The following TECPR2 variants were observed in gnomAD, a reference collection of about 807,000 sequenced individuals.
TECPR2 encodes tectonin beta-propeller repeat containing 2, also known as tectonin beta-propeller repeat-containing protein 2.
Under a neutral mutation model 138.1 loss-of-function variants are expected in TECPR2, and 65 were observed. The ratio of observed to expected loss-of-function variants is 0.47; its 90% CI spans 0.39 to 0.58. The LOEUF (loss-of-function observed/expected upper bound fraction) is 0.58, where lower values mean the gene tolerates loss of function less well. TECPR2 is among the 20% of genes least tolerant of loss of function. TECPR2 has a pLI of 0.00. For missense variants in TECPR2, 1,553 were observed against 1,824.5 expected (o/e 0.85, Z 2.71); for synonymous variants, 746 against 749.8 (o/e 0.99, Z 0.08).
rs1029417844 is a variant in TECPR2 at position 102,395,785 on chromosome 14, G to A, written c.220-11553G>A. Among the ~76,000 whole-genome samples, 5 of 152,130 alleles carry A rather than the reference G, an allele frequency of 3.3e-5. No homozygotes were observed. The South Asian group carries it at 6.2e-4, about 19-fold the overall frequency. ...GGCACTCCGGCCTGGGCGACAGAGC[G>A]AGACTCTGTCTCCAAAAAACTAAAC... On this transcript the variant is annotated intron_variant, in intron 2 of 19. Transcript: ENST00000359520.
In TECPR2 at chr14:102,443,839, C is replaced by T; in HGVS notation, c.2933+12C>T. On this transcript the variant is annotated intron_variant, in intron 12 of 19. Coordinates refer to ENST00000359520, the MANE Select transcript of TECPR2 (RefSeq NM_014844.5). This position sits in a 1 kb window ranked among gnomAD's most constrained non-coding sequence, Gnocchi z 4.9. ...TGTGACATTGTCAGGTACTGGCGGG[C>T]CAGAGACTCCTTTCACATCGTGCTT... 3.2e-6 allele frequency: 5 copies of T among 1,549,270 alleles called. No homozygotes were observed. The Middle Eastern group carries it at 9.1e-4, about 280-fold the overall frequency.
At position 102,501,204 on chromosome 14, in the gene TECPR2, G is replaced by T. The variant is rs1891428507; in HGVS notation, c.*2947G>T. The T allele has an allele frequency of 6.6e-6, 1 of 151,992 alleles. No individual in the cohort carries two copies. Among genetic ancestry groups the T allele is most frequent in the African/African-American group, 2.4e-5 (1 of 41,366 alleles). 9.4% of individuals were successfully genotyped at this position (151,992 alleles called of 1,614,324 possible). A position where few individuals can be genotyped will look rare whatever the true frequency, so the allele number is the denominator to read the frequency against. ...GGAGCGGCGGGGGCGGGGCATGGGG[G>T]GTGTCACAACTAATGTGGCCACTGC... On this transcript the variant is annotated 3_prime_UTR_variant, in exon 20 of 20. Coordinates refer to ENST00000359520, the MANE Select transcript of TECPR2 (RefSeq NM_014844.5).
At chr14:102,444,212 G>A (rs1023286924) in intron 12 of TECPR2, among the ~76,000 whole-genome samples, 2 of 81,326 alleles carry the variant, frequency 2.5e-5, no homozygotes, top group Non-Finnish European at 5.0e-5. Flanking sequence ...TTTTTTTTTT[G>A]ATACAGGTTC....
In TECPR2 at chr14:102,366,198, A is replaced by G. The variant is rs191549187; in HGVS notation, c.-73+3082A>G. 1.8e-3 allele frequency among the ~76,000 whole-genome samples: 267 copies of G among 152,270 alleles called. 2 individuals carry two copies. The highest frequency in any genetic ancestry group is 6.1e-3 in the African/African-American group (253 of 41,534). On this transcript the variant is annotated intron_variant, in intron 1 of 19. Coordinates refer to ENST00000359520, the MANE Select transcript of TECPR2 (RefSeq NM_014844.5). The stretch of plus-strand genomic sequence containing the variant: ...AGTTGGGTGTTAGTAGTCAGCAGTG[A>G]AGGCTAGCTGCCACCTTCCAGGGTT...
intron 8 of TECPR2, among the ~76,000 whole-genome samples, chr14:102,432,772 G>A (rs1017960919): frequency 2.0e-4 from 30 of 151,902 alleles, no homozygotes; most frequent in African/African-American, 6.8e-4. Context: ...TTGGGAGGCC[G>A]AGGCAGGCGG....
chr14:102,379,530 G>A (rs150571175), intron 2 of TECPR2, among the ~76,000 whole-genome samples: 5,557 of 65,778 alleles, frequency 0.084, 43 homozygotes, highest in Middle Eastern at 0.13. Context: ...GAGGCGTCCT[G>A]GTCACACTGC....
chr14:102,403,381 A>T (rs932565001), intron 2 of TECPR2, among the ~76,000 whole-genome samples: 7 of 152,234 alleles, frequency 4.6e-5, no homozygotes, highest in Non-Finnish European at 8.8e-5. Flanking sequence ...AACTACCCCA[A>T]CATAATAAAA....
intron 9 of TECPR2, 97 bp from the exon 10 acceptor site, chr14:102,437,925 C>G (rs1407442261): frequency 1.9e-5 from 26 of 1,393,702 alleles, no homozygotes; most frequent in Admixed American, 6.4e-5. Flanking sequence ...TTTACCGTCT[C>G]GTGTTAATGA....
At chr14:102,436,267 C>T (rs545370950) in intron 9 of TECPR2, among the ~76,000 whole-genome samples, 253 of 151,766 alleles carry the variant, frequency 1.7e-3, no homozygotes, top group Non-Finnish European at 1.8e-3. Context: ...ATGCTGCTTA[C>T]TTGTTTTGAG....
At position 102,456,526 on chromosome 14, in the gene TECPR2, G is replaced by A. The variant is rs1890279417; in HGVS notation, c.3640+3899G>A. 2.0e-5 allele frequency among the ~76,000 whole-genome samples: 3 copies of A among 151,354 alleles called. No individual in the cohort carries two copies. The South Asian group carries it at 6.3e-4, about 32-fold the overall frequency. On this transcript the variant is annotated intron_variant, in intron 16 of 19. Transcript: ENST00000359520. The stretch of plus-strand genomic sequence containing the variant: ...CCTATCCCCTCAACGAGTATCTGCT[G>A]AACACTGGAGGGCTCGAGGCCATCT...
intron 17 of TECPR2, among the ~76,000 whole-genome samples, chr14:102,471,642 T>C (rs115587836): frequency 0.042 from 6,366 of 152,184 alleles, 158 homozygotes; most frequent in Middle Eastern, 0.086. Context: ...TTCAAGGCTG[T>C]AGTGAGCTAT....
chr14:102,426,541 C>A (rs1441295935), intron 6 of TECPR2, among the ~76,000 whole-genome samples: 1 of 152,194 alleles, frequency 6.6e-6, no homozygotes, highest in Non-Finnish European at 1.5e-5. Flanking sequence ...ATAAGCAGAG[C>A]CTCACTGTAG....
At chr14:102,398,289 A>G (rs1283236148) in intron 2 of TECPR2, among the ~76,000 whole-genome samples, 2 of 152,170 alleles carry the variant, frequency 1.3e-5, no homozygotes, top group East Asian at 3.8e-4. Flanking sequence ...TGAAGATAAG[A>G]TATTAAAATT....
intron 17 of TECPR2, among the ~76,000 whole-genome samples, chr14:102,485,563 C>A (rs1891006698): frequency 6.6e-6 from 1 of 152,088 alleles, no homozygotes; most frequent in Non-Finnish European, 1.5e-5. Flanking sequence ...TAACGGGGTG[C>A]CCTGGGTCCT....
At chr14:102,431,705 A>T (rs1889496094) in intron 7 of TECPR2, 91 bp from the exon 8 acceptor site, 1 of 1,300,230 alleles carries the variant, frequency 7.7e-7, no homozygotes, top group South Asian at 1.6e-5. Context: ...TGCCTCTGTG[A>T]CAACTGGTAT....
At chr14:102,440,718 A>T in intron 11 of TECPR2, 109 bp downstream of exon 11, 5 of 1,309,546 alleles carry the variant, frequency 3.8e-6, no homozygotes, top group Non-Finnish European at 5.1e-6. Flanking sequence ...TAAGAGGCTA[A>T]ATCCATTCGA....
chr14:102,399,462 C>T lies in TECPR2; in HGVS notation c.220-7876C>T, dbSNP rs575955717. ...AGTTCATTAGCCACAAGACCTGCCC[C>T]GCAAGAAATACTCAAGTGAGTCCTG... On this transcript the variant is annotated intron_variant, in intron 2 of 19. Coordinates refer to ENST00000359520, the MANE Select transcript of TECPR2 (RefSeq NM_014844.5). Among the ~76,000 whole-genome samples, 488 of 152,106 alleles carry T rather than the reference C, an allele frequency of 3.2e-3. 4 individuals carry two copies. Among genetic ancestry groups the T allele is most frequent in the African/African-American group, 0.011 (470 of 41,498 alleles).
intron 16 of TECPR2, among the ~76,000 whole-genome samples, chr14:102,461,150 T>A (rs185868313): frequency 4.9e-4 from 74 of 152,366 alleles, no homozygotes; most frequent in African/African-American, 1.7e-3. Flanking sequence ...AATTTTGTAG[T>A]GATTTATTAT....
At chr14:102,473,004 C>T (rs1890681382) in intron 17 of TECPR2, among the ~76,000 whole-genome samples, 1 of 152,266 alleles carries the variant, frequency 6.6e-6, no homozygotes, top group African/African-American at 2.4e-5. Context: ...CACATCTTTC[C>T]CTCAGTCCTC....
Sources: allele counts gnomAD v4.1 joint callset (sites outside exome capture counted in the v4.1 genomes callset), GRCh38; gene constraint gnomAD v4.1.1; non-coding constraint Gnocchi (gnomAD v3.1); transcripts MANE v1.5; gene names NCBI Gene and HGNC (gene_info 2026-07-23, HGNC 2026-07-21).